POU2F1: variants seen among roughly 807,000 people sequenced by gnomAD.
POU2F1 encodes the protein POU domain, class 2, transcription factor 1.
A neutral mutation model predicts 84.9 loss-of-function variants in POU2F1; 16 were observed. The observed-to-expected ratio is 0.19, with a 90% CI of 0.13 to 0.29. The LOEUF (loss-of-function observed/expected upper bound fraction) is 0.29, where lower values mean the gene tolerates loss of function less well. Among genes scored for constraint, POU2F1 ranks in the 10% least tolerant of loss-of-function variants. The pLI, the probability that POU2F1 is intolerant of heterozygous loss-of-function variation, is 1.00. For synonymous variants in POU2F1, 368 were observed against 368.3 expected (o/e 1.00, Z 0.01); for missense variants, 738 against 942.6 (o/e 0.78, Z 2.84).
intron 1 of POU2F1, among the ~76,000 whole-genome samples, chr1:167,226,410 A>G (rs752134817): frequency 6.6e-6 from 1 of 152,184 alleles, no homozygotes; most frequent in African/African-American, 2.4e-5. Flanking sequence ...TTCGCTGGAC[A>G]TTTTTGTGCA....
At chr1:167,390,390 GGTGGT>G (rs1467747681) in intron 9 of POU2F1, among the ~76,000 whole-genome samples, 1 of 152,162 alleles carries the variant, frequency 6.6e-6, no homozygotes, top group Non-Finnish European at 1.5e-5. Flanking sequence ...AAGAATATCT[GGTGGT>G]AGACCTCAGT....
chr1:167,404,395 C>T (rs1649413964), intron 13 of POU2F1, among the ~76,000 whole-genome samples: 1 of 152,044 alleles, frequency 6.6e-6, no homozygotes, highest in Admixed American at 6.5e-5. Flanking sequence ...GAAGGGCTCG[C>T]GGTGAGCTGT....
At chr1:167,259,580 G>C (rs187987322) in intron 1 of POU2F1, among the ~76,000 whole-genome samples, 2 of 152,176 alleles carry the variant, frequency 1.3e-5, no homozygotes, top group South Asian at 4.2e-4. Context: ...ATTAAGGGGG[G>C]GTGTGTTTGT....
At chr1:167,317,002 G>A (rs954497304) in intron 1 of POU2F1, among the ~76,000 whole-genome samples, 7 of 152,148 alleles carry the variant, frequency 4.6e-5, no homozygotes, top group African/African-American at 1.7e-4. Flanking sequence ...AGCAATTCTC[G>A]TGCCTCAGCC....
intron 9 of POU2F1, among the ~76,000 whole-genome samples, chr1:167,392,219 C>T (rs1414317969): frequency 6.6e-5 from 10 of 151,918 alleles, no homozygotes; most frequent in Admixed American, 3.3e-4. Context: ...GGCGTGCTGG[C>T]GGGCGCCTGT....
intron 1 of POU2F1, among the ~76,000 whole-genome samples, chr1:167,233,421 A>G (rs1030754689): frequency 3.3e-5 from 5 of 151,800 alleles, no homozygotes; most frequent in Non-Finnish European, 1.5e-5. Flanking sequence ...TACAGATGTG[A>G]GCTCCTGTGC....
Position 167,412,198 on chromosome 1 carries a change from G to C in POU2F1, c.1795G>C (p.Ala599Pro). 6.2e-7 allele frequency: 1 copy of C among 1,613,148 alleles called. No homozygotes were observed. Among genetic ancestry groups the C allele is most frequent in the East Asian group, 2.2e-5 (1 of 44,834 alleles). Residue 599 changes from alanine (A) to proline (P), a missense_variant, in exon 14 of 16, where the codon GCC becomes CCC. Transcript: ENST00000367866. Reference sequence around the variant, plus strand: ...AGGTTTGCAAACAGCAGCAGCTGCTGCCCTTCAAGGAGCTGCACAGTTGCC... The same window carrying C: ...AGGTTTGCAAACAGCAGCAGCTGCTCCCCTTCAAGGAGCTGCACAGTTGCC... ...ASGLQTAAAA[A>P]LQGAAQLPAN...
chr1:167,284,455 A>G (rs750187733), intron 1 of POU2F1, among the ~76,000 whole-genome samples: 14 of 152,074 alleles, frequency 9.2e-5, no homozygotes, highest in Non-Finnish European at 1.9e-4. Flanking sequence ...TAAGCTGTGT[A>G]TTGCACTCTT....
intron 1 of POU2F1, among the ~76,000 whole-genome samples, chr1:167,237,766 A>AT (rs1649593291): frequency 3.1e-4 from 18 of 58,004 alleles, no homozygotes; most frequent in African/African-American, 1.1e-3. Context: ...ATATATATAT[A>AT]TATATATTTT....
At chr1:167,345,596 T>C (rs1478867254) in intron 2 of POU2F1, among the ~76,000 whole-genome samples, 4 of 152,198 alleles carry the variant, frequency 2.6e-5, no homozygotes, top group Non-Finnish European at 5.9e-5. Context: ...AGGAAGCTGC[T>C]ACCGTTTAAC....
intron 1 of POU2F1, among the ~76,000 whole-genome samples, chr1:167,224,825 C>CTTTTTTT (rs774351969): frequency 8.2e-6 from 1 of 122,214 alleles, no homozygotes. Flanking sequence ...TCACTGTCTT[C>CTTTTTTT]TTTTTTTTTT....
At chr1:167,352,483 G>A (rs534007377) in intron 2 of POU2F1, among the ~76,000 whole-genome samples, 3 of 152,264 alleles carry the variant, frequency 2.0e-5, no homozygotes, top group South Asian at 2.1e-4. Flanking sequence ...GGAGTCCTTC[G>A]TCATTGGATG....
At chr1:167,291,657 A>G (rs187766714) in intron 1 of POU2F1, among the ~76,000 whole-genome samples, 13 of 152,256 alleles carry the variant, frequency 8.5e-5, no homozygotes, top group Admixed American at 2.6e-4. Flanking sequence ...GGAAAAACAC[A>G]TTTTTTAAGG....
chr1:167,357,314 G>T, intron 2 of POU2F1: 1 of 146,242 alleles, frequency 6.8e-6, no homozygotes. Context: ...TCAAGTTAAA[G>T]AAACTTGTAT....
intron 1 of POU2F1, among the ~76,000 whole-genome samples, chr1:167,256,510 T>TGTTGAGGA (rs1431187738): frequency 6.6e-6 from 1 of 152,010 alleles, no homozygotes; most frequent in Non-Finnish European, 1.5e-5. Flanking sequence ...GATGAAGAAT[T>TGTTGAGGA]GTTGAGGATA....
In POU2F1 at chr1:167,415,985, AAAAG is replaced by A. The variant is rs1168415910; in HGVS notation, c.*184_*187del. ...CACACACCCATACACACATACCAGA[AAAAG>A]AAAGAAAGGATGGAGACGGAACATT... On this transcript the variant is annotated 3_prime_UTR_variant, in exon 16 of 16. Coordinates refer to ENST00000367866, the MANE Select transcript of POU2F1 (RefSeq NM_002697.4). 21 of 722,968 alleles carry A rather than the reference AAAAG, an allele frequency of 2.9e-5. No homozygotes were observed. The highest frequency in any genetic ancestry group is 5.4e-5 in the African/African-American group (3 of 55,372). The allele number at this position is 722,968 out of a possible 1,614,324, so 44.8% of individuals were successfully genotyped here. A position where few individuals can be genotyped will look rare whatever the true frequency, so the allele number is the denominator to read the frequency against.
chr1:167,367,756 T>A (rs1043662341), intron 3 of POU2F1, among the ~76,000 whole-genome samples: 2 of 152,168 alleles, frequency 1.3e-5, no homozygotes, highest in African/African-American at 4.8e-5. Context: ...ACATTTTGCT[T>A]TTACCATATG....
rs1659917047 is a variant in POU2F1, at chr1:167,370,144, C to G, written c.229-17C>G. The stretch of plus-strand genomic sequence containing the variant: ...TGTCAACAGTATTAAACTAGAACTT[C>G]CCCTGATTACTTATAGGTCCAACTC... On this transcript the variant is annotated splice_polypyrimidine_tract_variant and intron_variant, in intron 3 of 15. Coordinates refer to ENST00000367866, the MANE Select transcript of POU2F1 (RefSeq NM_002697.4). 6.3e-7 allele frequency: 1 copy of G among 1,598,328 alleles called. No individual in the cohort carries two copies. Among genetic ancestry groups the G allele is most frequent in the South Asian group, 1.1e-5 (1 of 88,606 alleles).
At chr1:167,376,238 G>T (rs1660319926) in intron 7 of POU2F1, 83 bp downstream of exon 7, 2 of 1,404,122 alleles carry the variant, frequency 1.4e-6, no homozygotes, top group Admixed American at 2.6e-5. Context: ...TATCATTTTG[G>T]CCCTGAAACT....
Sources: allele counts gnomAD v4.1 joint callset (sites outside exome capture counted in the v4.1 genomes callset), GRCh38; gene constraint gnomAD v4.1.1; transcripts MANE v1.5; gene names NCBI Gene and HGNC (gene_info 2026-07-23, HGNC 2026-07-21).